Variants in EVL observed in about 807,000 individuals in gnomAD.
The protein encoded by EVL is Enah/Vasp-like, also known as ena/VASP-like protein.
A neutral mutation model predicts 59.6 loss-of-function variants in EVL; 21 were observed. The ratio of observed to expected loss-of-function variants is 0.35; its 90% CI spans 0.25 to 0.51. EVL has a LOEUF of 0.51. EVL is among the 20% of genes least tolerant of loss of function. The probability of loss-of-function intolerance (pLI) is 0.97; values close to 1 mark genes in which losing one functional copy is unlikely to be tolerated. For synonymous variants in EVL, 198 were observed against 203.5 expected (o/e 0.97, Z 0.23); for missense variants, 462 against 546.6 (o/e 0.85, Z 1.54).
chr14:100,062,224 A>ATATATATATATATATG (rs2061848496), upstream of EVL, among the ~76,000 whole-genome samples: 1 of 1,664 alleles, frequency 6.0e-4, no homozygotes, highest in Non-Finnish European at 2.5e-3. Flanking sequence ...ATATATATGT[A>ATATATATATATATATG]TATATATATA....
chr14:100,128,884 A>AG, intron 6 of EVL, 136 bp downstream of exon 6: 1 of 704,032 alleles, frequency 1.4e-6, no homozygotes, highest in Non-Finnish European at 2.4e-6. Flanking sequence ...GCCCTTGGCC[A>AG]CTTGTTCTCA....
intron 1 of EVL, among the ~76,000 whole-genome samples, chr14:100,004,098 G>A (rs1266901121): frequency 6.6e-6 from 1 of 152,176 alleles, no homozygotes; most frequent in African/African-American, 2.4e-5. Context: ...CAGCTACTTG[G>A]GAGGCTGAGG....
intron 1 of EVL, among the ~76,000 whole-genome samples, chr14:100,081,610 T>C (rs917427347): frequency 1.2e-4 from 19 of 152,032 alleles, no homozygotes; most frequent in Admixed American, 5.9e-4. Context: ...GTGCTTTATT[T>C]ATGCCATCTC....
At chr14:100,141,689 C>T (rs1157679068) in intron 12 of EVL, 47 bp from the exon 13 acceptor site, 2 of 1,598,932 alleles carry the variant, frequency 1.3e-6, no homozygotes, top group Non-Finnish European at 1.7e-6. Flanking sequence ...GCCGGCTTTT[C>T]CGTCTCCACT....
At position 100,144,185 on chromosome 14, in the gene EVL, C is replaced by T. The variant is rs377656813; in HGVS notation, c.*447C>T. 29 of 184,738 alleles carry T rather than the reference C, an allele frequency of 1.6e-4. 2 individuals carry two copies. The highest frequency in any genetic ancestry group is 8.3e-4 in the South Asian group (7 of 8,478). The allele number at this position is 184,738 out of a possible 1,614,324, so 11.4% of individuals were successfully genotyped here. Reference sequence around the variant, plus strand: ...CGCTCATGGTGTTGAAACTGTCTGTCATGCACCACGGTGTCTGTGTCCACA... The same window carrying T: ...CGCTCATGGTGTTGAAACTGTCTGTTATGCACCACGGTGTCTGTGTCCACA... On this transcript the variant is annotated 3_prime_UTR_variant, in exon 14 of 14. Coordinates refer to ENST00000392920, the MANE Select transcript of EVL (RefSeq NM_016337.3).
chr14:100,036,428 G>A (rs2061389453), intron 1 of EVL, among the ~76,000 whole-genome samples: 1 of 152,138 alleles, frequency 6.6e-6, no homozygotes. Context: ...CCCATCATGT[G>A]GGGAAGACTA....
chr14:100,038,007 G>A (rs1406877948), intron 1 of EVL, among the ~76,000 whole-genome samples: 1 of 152,178 alleles, frequency 6.6e-6, no homozygotes, highest in Admixed American at 6.5e-5. Context: ...GCTTGGTTGT[G>A]ATCACCAGGT....
chr14:100,061,354 G>A (rs1419228485), upstream of EVL, among the ~76,000 whole-genome samples: 1 of 130,296 alleles, frequency 7.7e-6, no homozygotes, highest in African/African-American at 2.8e-5. Context: ...GGCAGAGGTT[G>A]CAGTGAGCTG....
chr14:100,107,999 A>T (rs1323609725), intron 3 of EVL: 2 of 152,258 alleles, frequency 1.3e-5, no homozygotes, highest in African/African-American at 4.8e-5. Flanking sequence ...CTCTTGGAGC[A>T]TAATGTATGT....
intron 1 of EVL, among the ~76,000 whole-genome samples, chr14:99,999,362 A>G (rs574176792): frequency 6.6e-6 from 1 of 152,326 alleles, no homozygotes; most frequent in South Asian, 2.1e-4. Context: ...AAATTACTTT[A>G]CCTCTCTGTC....
intron 1 of EVL, chr14:100,019,724 C>CT: frequency 6.5e-7 from 1 of 1,527,506 alleles, no homozygotes; most frequent in Non-Finnish European, 8.7e-7. Flanking sequence ...CTGCTGCTGG[C>CT]TTTTTGTTCT....
chr14:100,000,539 G>A lies in EVL; in HGVS notation c.5+28482G>A, dbSNP rs140270872. Among the ~76,000 whole-genome samples, 724 of 152,038 alleles carry A rather than the reference G, an allele frequency of 4.8e-3. 9 individuals are homozygous for A. Among genetic ancestry groups the A allele is most frequent in the African/African-American group, 0.017 (690 of 41,486 alleles). On this transcript the variant is annotated intron_variant, in intron 1 of 13. Transcript: ENST00000402714. ...ATTTCTTGTATTTTTAGTAAAGACG[G>A]GGTTTCACCGTTTTAGCCAGAATGG... is the stretch of plus-strand genomic sequence containing the variant.
At position 100,045,439 on chromosome 14, in the gene EVL, T is replaced by G. The variant is rs78879729; in HGVS notation, c.6-39248T>G. Among the ~76,000 whole-genome samples the G allele has an allele frequency of 4.9e-3, 753 of 152,324 alleles. 21 individuals are homozygous for G. In the East Asian group the frequency reaches 0.075, roughly 15 times the overall value. ...TACTTCCTATCCGTGGTGTTTAGCA[T>G]GAGCAGGTCACGTAATAGGCGCCCA... On this transcript the variant is annotated intron_variant, in intron 1 of 13. Transcript: ENST00000402714.
At chr14:99,971,431 G>C (rs1490412013), upstream of EVL, 1 of 151,508 alleles carries the variant, frequency 6.6e-6, no homozygotes, top group Non-Finnish European at 1.5e-5. Context: ...CAAGCTCAGC[G>C]CTCCCGGAGG....
At chr14:100,089,986 T>C (rs1366490113) in intron 2 of EVL, among the ~76,000 whole-genome samples, 2 of 151,970 alleles carry the variant, frequency 1.3e-5, no homozygotes. Context: ...TATAAATGCA[T>C]ATATTAGAAA....
At chr14:100,001,281 AAAAG>A (rs1313213340) in intron 1 of EVL, among the ~76,000 whole-genome samples, 1 of 152,228 alleles carries the variant, frequency 6.6e-6, no homozygotes, top group African/African-American at 2.4e-5. Context: ...AAGGAAAAGG[AAAAG>A]AAAGAAAAAA....
intron 3 of EVL, among the ~76,000 whole-genome samples, chr14:100,120,418 A>G (rs533201675): frequency 6.6e-6 from 1 of 152,284 alleles, no homozygotes; most frequent in East Asian, 1.9e-4. Context: ...TCTAGTACAG[A>G]AAAGAAGGCA....
chr14:99,977,198 CTT>C (rs746593466), intron 1 of EVL: 5 of 152,074 alleles, frequency 3.3e-5, no homozygotes, highest in African/African-American at 4.8e-5. Context: ...ATCAAGATAA[CTT>C]TAAGAATAAG....
intron 1 of EVL, among the ~76,000 whole-genome samples, chr14:100,016,566 G>T (rs1388610780): frequency 6.6e-6 from 1 of 152,192 alleles, no homozygotes; most frequent in Non-Finnish European, 1.5e-5. Flanking sequence ...AAAAGAGCGA[G>T]ACTCCGTCTC....
Sources: allele counts gnomAD v4.1 joint callset (sites outside exome capture counted in the v4.1 genomes callset), GRCh38; gene constraint gnomAD v4.1.1; transcripts MANE v1.5; gene names NCBI Gene and HGNC (gene_info 2026-07-23, HGNC 2026-07-21).